The following WWOX variants were observed in gnomAD, a reference collection of about 807,000 sequenced individuals.
WWOX encodes WW domain containing oxidoreductase.
In WWOX, 69 loss-of-function variants were observed where a neutral mutation model predicts 46.2. The ratio of observed to expected loss-of-function variants is 1.49; its 90% CI spans 1.23 to 1.82. The LOEUF (loss-of-function observed/expected upper bound fraction) is 1.82, where lower values mean the gene tolerates loss of function less well. Ranked by LOEUF, WWOX falls within the 40% of genes most tolerant of loss-of-function variation. The pLI, the probability that WWOX is intolerant of heterozygous loss-of-function variation, is 0.00. For synonymous variants in WWOX, 359 were observed against 202.6 expected, an observed-to-expected ratio of 1.77 and a Z score of -6.56; for missense variants, 919 against 542.6, an observed-to-expected ratio of 1.69 and a Z score of -6.89.
At chr16:78,613,047 C>A (rs2045937078) in intron 8 of WWOX, among the ~76,000 whole-genome samples, 1 of 152,102 alleles carries the variant, frequency 6.6e-6, no homozygotes, top group Non-Finnish European at 1.5e-5. Context: ...AGAGGTGCCT[C>A]TTGAGAGTTT....
chr16:78,721,836 T>A (rs2048699210), intron 8 of WWOX, among the ~76,000 whole-genome samples: 1 of 152,202 alleles, frequency 6.6e-6, no homozygotes, highest in South Asian at 2.1e-4. Context: ...CCCAACTTTT[T>A]GTCCATATGA....
rs76265509 is a variant in WWOX, at chr16:78,860,152, C to T, written c.1057-351456C>T. 9.2e-3 allele frequency among the ~76,000 whole-genome samples: 1,399 copies of T among 152,258 alleles called. 25 individuals are homozygous for T. Among genetic ancestry groups the T allele is most frequent in the African/African-American group, 0.032 (1,341 of 41,534 alleles). On this transcript the variant is annotated intron_variant, in intron 8 of 8. Coordinates refer to ENST00000566780, the MANE Select transcript of WWOX (RefSeq NM_016373.4). ...TAGCTCCCATCCTTATTCCATCGCC[C>T]ATATCCTAAAATGTAGATTGTATTA...
chr16:78,217,524 A>G (rs2036760648), intron 5 of WWOX, among the ~76,000 whole-genome samples: 2 of 152,320 alleles, frequency 1.3e-5, no homozygotes, highest in African/African-American at 4.8e-5. Flanking sequence ...GTGTTGAGAC[A>G]TGTGATCCTG....
At chr16:78,481,243 C>T (rs1025872602) in intron 8 of WWOX, among the ~76,000 whole-genome samples, 8 of 152,136 alleles carry the variant, frequency 5.3e-5, no homozygotes, top group Admixed American at 1.3e-4. Flanking sequence ...CTGATGAAAG[C>T]GTACTTCCAT....
chr16:78,701,987 C>G (rs1358074149), intron 8 of WWOX, among the ~76,000 whole-genome samples: 2 of 119,398 alleles, frequency 1.7e-5, no homozygotes, highest in East Asian at 4.7e-4. Context: ...GAGTTGGAGA[C>G]TAGCCTGGGC....
chr16:79,102,270 T>C (rs1190647498), intron 8 of WWOX, among the ~76,000 whole-genome samples: 1 of 152,162 alleles, frequency 6.6e-6, no homozygotes, highest in Non-Finnish European at 1.5e-5. Context: ...AGGTATTGGG[T>C]CAGCGTCTTG....
chr16:78,488,216 A>T (rs1597154413), intron 8 of WWOX, among the ~76,000 whole-genome samples: 1 of 152,252 alleles, frequency 6.6e-6, no homozygotes, highest in South Asian at 2.1e-4. Flanking sequence ...GAAGCTCTTT[A>T]TCCTGGTACG....
At chr16:78,992,053 A>T (rs567150264) in intron 8 of WWOX, among the ~76,000 whole-genome samples, 2 of 152,226 alleles carry the variant, frequency 1.3e-5, no homozygotes, top group African/African-American at 2.4e-5. Flanking sequence ...TTTCACATGC[A>T]TGCATTAATT....
chr16:78,554,389 A>T (rs373822846), intron 8 of WWOX, among the ~76,000 whole-genome samples: 1 of 152,200 alleles, frequency 6.6e-6, no homozygotes, highest in South Asian at 2.1e-4. Flanking sequence ...TGAAAATTCA[A>T]AAAATTGCAA....
intron 8 of WWOX, among the ~76,000 whole-genome samples, chr16:79,010,853 G>C (rs932696638): frequency 6.6e-6 from 1 of 151,992 alleles, no homozygotes; most frequent in African/African-American, 2.4e-5. Context: ...TGGCCTGTGT[G>C]GTGAGGAGTG....
chr16:78,193,394 T>G (rs575961000), intron 5 of WWOX, among the ~76,000 whole-genome samples: 2 of 152,306 alleles, frequency 1.3e-5, no homozygotes, highest in East Asian at 3.9e-4. Context: ...CGAACATACA[T>G]GTTGAAAATT....
intron 8 of WWOX, among the ~76,000 whole-genome samples, chr16:78,819,804 C>G (rs567606794): frequency 6.6e-6 from 1 of 152,296 alleles, no homozygotes; most frequent in Non-Finnish European, 1.5e-5. Flanking sequence ...CAAAGCTTGG[C>G]AATATCTCTG....
At chr16:78,324,480 T>G (rs950347435) in intron 5 of WWOX, among the ~76,000 whole-genome samples, 2 of 152,100 alleles carry the variant, frequency 1.3e-5, no homozygotes, top group Non-Finnish European at 2.9e-5. Flanking sequence ...GACTTGTACA[T>G]GAATGTTAAT....
chr16:78,962,826 G>T (rs1030612976), intron 8 of WWOX, among the ~76,000 whole-genome samples: 4 of 152,124 alleles, frequency 2.6e-5, no homozygotes, highest in African/African-American at 9.7e-5. Flanking sequence ...GCATTAAGAG[G>T]TAACCACTAT....
At chr16:78,906,877 G>T (rs1184895539) in intron 8 of WWOX, among the ~76,000 whole-genome samples, 1 of 152,158 alleles carries the variant, frequency 6.6e-6, no homozygotes, top group Non-Finnish European at 1.5e-5. Flanking sequence ...TAACTCCATG[G>T]TGCTCTCATT....
chr16:78,823,929 C>T (rs1398244382), intron 8 of WWOX, among the ~76,000 whole-genome samples: 2 of 152,082 alleles, frequency 1.3e-5, no homozygotes, highest in Non-Finnish European at 2.9e-5. Flanking sequence ...GCGAGAGCCA[C>T]CATACTGGGC....
chr16:78,813,987 C>T (rs995059782), intron 8 of WWOX, among the ~76,000 whole-genome samples: 1 of 152,158 alleles, frequency 6.6e-6, no homozygotes, highest in Non-Finnish European at 1.5e-5. Flanking sequence ...TATTATATCT[C>T]CGCTGGTTTA....
At chr16:78,260,763 AC>A (rs1309883568) in intron 5 of WWOX, among the ~76,000 whole-genome samples, 1 of 147,838 alleles carries the variant, frequency 6.8e-6, no homozygotes, top group Non-Finnish European at 1.5e-5. Context: ...ACATGGTGAA[AC>A]CCCGTCTGTA....
At chr16:79,086,045 G>A (rs527582704) in intron 8 of WWOX, among the ~76,000 whole-genome samples, 4 of 147,604 alleles carry the variant, frequency 2.7e-5, no homozygotes, top group African/African-American at 2.5e-5. Flanking sequence ...GCACTTCAAC[G>A]TGGGCAACAG....
Sources: allele counts gnomAD v4.1 joint callset (sites outside exome capture counted in the v4.1 genomes callset), GRCh38; gene constraint gnomAD v4.1.1; transcripts MANE v1.5; gene names NCBI Gene and HGNC (gene_info 2026-07-23, HGNC 2026-07-21).